AURKC: variants seen among roughly 807,000 people sequenced by gnomAD.
The protein encoded by AURKC is aurora kinase C.
Under a neutral mutation model 29.2 loss-of-function variants are expected in AURKC, and 15 were observed. That is an observed-to-expected ratio of 0.51 (90% CI 0.34 to 0.79). AURKC has a LOEUF of 0.79. AURKC is among the 30% of genes least tolerant of loss of function. The pLI, the probability that AURKC is intolerant of heterozygous loss-of-function variation, is 0.01. For synonymous variants in AURKC, 150 were observed against 149.9 expected, an observed-to-expected ratio of 1.00 and a Z score of -0.01; for missense variants, 332 against 383.2, an observed-to-expected ratio of 0.87 and a Z score of 1.12.
chr19:57,235,535 A>G lies in AURKC; in HGVS notation c.*118A>G. On this transcript the variant is annotated 3_prime_UTR_variant, in exon 7 of 7. Coordinates refer to ENST00000302804, the MANE Select transcript of AURKC (RefSeq NM_001015878.2). ...TAAGATGCTAATTAATAAAAGCTGA[A>G]TCATTTCATACCAGCTCTTCATAGT... 1 of 1,216,192 alleles carries G rather than the reference A, an allele frequency of 8.2e-7. No homozygotes were observed. The highest frequency in any genetic ancestry group is 2.3e-5 in the East Asian group (1 of 42,680). 75.3% of individuals were successfully genotyped at this position (1,216,192 alleles called of 1,614,324 possible).
At chr19:57,233,711 G>A in intron 5 of AURKC, 103 bp downstream of exon 5, 4 of 1,521,312 alleles carry the variant, frequency 2.6e-6, no homozygotes, top group Non-Finnish European at 3.6e-6. Context: ...ATACGAACTT[G>A]GGGTTTCTAT....
chr19:57,235,410 C>T lies in AURKC; in HGVS notation c.923C>T (p.Ala308Val). The change falls in exon 7 of 7, where the codon GCT (alanine) becomes GTT (valine). Residue 308 changes from alanine (A) to valine (V), a missense_variant. Transcript: ENST00000302804. The stretch of plus-strand genomic sequence containing the variant: ...GTGCTGCCTCCCTGTGCTCAGATGG[C>T]TTCCTGAGCCCTGTCTGCCTCTGTT... ...RRVLPPCAQM[A>V]S 3 of 1,613,696 alleles carry T rather than the reference C, an allele frequency of 1.9e-6. No homozygotes were observed. In the South Asian group the frequency reaches 3.3e-5, roughly 18 times the overall value.
chr19:57,235,089 G>A (rs2122811221), intron 6 of AURKC, 31 bp downstream of exon 6: 1 of 1,613,856 alleles, frequency 6.2e-7, no homozygotes, highest in South Asian at 1.1e-5. Flanking sequence ...CATTCATGGG[G>A]GAGCTGGTCA....
In AURKC at chr19:57,232,632, C is replaced by T; in HGVS notation, c.387C>T (p.Tyr129=). 1 of 1,614,060 alleles carries T rather than the reference C, an allele frequency of 6.2e-7. No individual in the cohort carries two copies. The highest frequency in any genetic ancestry group is 8.5e-7 in the Non-Finnish European group (1 of 1,180,022). ...ILEYAPRGEL[Y]KELQKSEKLD... is the part of the protein sequence containing the mutation. ...AATATGCTCCAAGGGGTGAGCTCTA[C>T]AAGGAGCTGCAGAAAAGCGAGAAAT... The change falls in exon 4 of 7, where the codon TAC becomes TAT. Residue 129 remains tyrosine (Y), a synonymous_variant. Coordinates refer to ENST00000302804, the MANE Select transcript of AURKC (RefSeq NM_001015878.2). The surrounding 1 kb of genome is among the most constrained non-coding windows in gnomAD (Gnocchi z 4.5).
Position 57,231,607 on chromosome 19 carries a change from C to T in AURKC, c.59-135C>T, listed in dbSNP as rs939827017. ...CTCTCCCTGCCTTCCCCTTCCCTCT[C>T]TTTCTCTCCTCCCCTTCTTCCCCTC... On this transcript the variant is annotated intron_variant, in intron 1 of 6. Coordinates refer to ENST00000302804, the MANE Select transcript of AURKC (RefSeq NM_001015878.2). 3 of 952,798 alleles carry T rather than the reference C, an allele frequency of 3.1e-6. No individual in the cohort carries two copies. The East Asian group carries it at 7.9e-5, about 25-fold the overall frequency. 59.0% of individuals were successfully genotyped at this position (952,798 alleles called of 1,614,324 possible).
chr19:57,232,787 C>G lies in AURKC; in HGVS notation c.435+107C>G. 1 of 1,423,124 alleles carries G rather than the reference C, an allele frequency of 7.0e-7. No homozygotes were observed. The highest frequency in any genetic ancestry group is 1.7e-5 in the Admixed American group (1 of 57,492). The allele number at this position is 1,423,124 out of a possible 1,614,324, so 88.2% of individuals were successfully genotyped here. A position where few individuals can be genotyped will look rare whatever the true frequency, so the allele number is the denominator to read the frequency against. On this transcript the variant is annotated intron_variant, in intron 4 of 6. Coordinates refer to ENST00000302804, the MANE Select transcript of AURKC (RefSeq NM_001015878.2). The surrounding 1 kb of genome is among the most constrained non-coding windows in gnomAD (Gnocchi z 4.5). ...TCCGCATTGCCTTCTGAGAAGTTTACTTCTGAATGTTATTGTGTAAATTTA... is the reference window on the plus strand; with the variant it reads ...TCCGCATTGCCTTCTGAGAAGTTTAGTTCTGAATGTTATTGTGTAAATTTA...
Position 57,235,433 on chromosome 19 carries a change from G to A in AURKC, c.*16G>A, listed in dbSNP as rs1454358992. 6 of 1,612,998 alleles carry A rather than the reference G, an allele frequency of 3.7e-6. No individual in the cohort carries two copies. Among genetic ancestry groups the A allele is most frequent in the Non-Finnish European group, 4.2e-6 (5 of 1,180,018 alleles). On this transcript the variant is annotated 3_prime_UTR_variant, in exon 7 of 7. Coordinates refer to ENST00000302804, the MANE Select transcript of AURKC (RefSeq NM_001015878.2). Reference sequence around the variant, plus strand: ...GGCTTCCTGAGCCCTGTCTGCCTCTGTTCCCTTTGTGTGTGTTCAGGGAGC... The same window carrying A: ...GGCTTCCTGAGCCCTGTCTGCCTCTATTCCCTTTGTGTGTGTTCAGGGAGC...
At chr19:57,231,584 C>T in intron 1 of AURKC, 158 bp from the exon 2 acceptor site, 1 of 826,648 alleles carries the variant, frequency 1.2e-6, no homozygotes, top group Non-Finnish European at 2.0e-6. Flanking sequence ...CCCTCCCCCT[C>T]TCCCTGCCTT....
At chr19:57,234,315 CAAAGTGCTGGGA>C (rs1302565900) in intron 5 of AURKC, among the ~76,000 whole-genome samples, 5 of 152,182 alleles carry the variant, frequency 3.3e-5, no homozygotes, top group African/African-American at 1.2e-4. Flanking sequence ...CTCGGCCTCC[CAAAGTGCTGGGA>C]TCATAGGCAT....
In AURKC at chr19:57,232,053, A is replaced by T; in HGVS notation, c.125A>T (p.Asp42Val). The stretch of plus-strand genomic sequence containing the variant: ...GTCAGGCGGCGCCTCACAGTCGATG[A>T]CTTTGAAATCGGGCGTCCCCTGGGC... ...SPAMRRLTVD[D>V]FEIGRPLGKG... is the part of the protein sequence containing the mutation. Residue 42 changes from aspartate (D) to valine (V), a missense_variant, in exon 3 of 7, where the codon GAC becomes GTC. Transcript: ENST00000302804. This position sits in a 1 kb window ranked among gnomAD's most constrained non-coding sequence, Gnocchi z 4.5. The T allele has an allele frequency of 1.2e-6, 2 of 1,614,060 alleles. No individual in the cohort carries two copies. Among genetic ancestry groups the T allele is most frequent in the South Asian group, 2.2e-5 (2 of 91,068 alleles).
At position 57,231,028 on chromosome 19, in the gene AURKC, G is replaced by T. The variant is rs2122798296; in HGVS notation, c.-221G>T. 1.9e-6 allele frequency: 2 copies of T among 1,078,000 alleles called. No individual in the cohort carries two copies. Among genetic ancestry groups the T allele is most frequent in the East Asian group, 2.6e-5 (1 of 39,002 alleles). 66.8% of individuals were successfully genotyped at this position (1,078,000 alleles called of 1,614,324 possible). A position where few individuals can be genotyped will look rare whatever the true frequency, so the allele number is the denominator to read the frequency against. Reference sequence around the variant, plus strand: ...CAGCCAGGAAGTACCTCTCTGAGCGGTTGGTGCCGGGTATAAAAGAAGGCC... The same window carrying T: ...CAGCCAGGAAGTACCTCTCTGAGCGTTTGGTGCCGGGTATAAAAGAAGGCC... On this transcript the variant is annotated 5_prime_UTR_variant, in exon 1 of 7. Coordinates refer to ENST00000302804, the MANE Select transcript of AURKC (RefSeq NM_001015878.2).
intron 4 of AURKC, among the ~76,000 whole-genome samples, chr19:57,233,067 T>C (rs2087510044): frequency 6.6e-6 from 1 of 152,200 alleles, no homozygotes; most frequent in African/African-American, 2.4e-5. Context: ...ACCATGGCAA[T>C]GATTTTCCCA....
rs967226852 is a variant in AURKC, at chr19:57,235,112, G to A, written c.759+54G>A. On this transcript the variant is annotated intron_variant, in intron 6 of 6. Transcript: ENST00000302804. ...GGGGAGCTGGTCAGTGATGGCTGCT[G>A]GGCTGTGGGCACACACACACACAGG... 1.1e-5 allele frequency: 18 copies of A among 1,612,478 alleles called. No homozygotes were observed. In the South Asian group the frequency reaches 1.9e-4, roughly 17 times the overall value.
intron 5 of AURKC, 27 bp from the exon 6 acceptor site, chr19:57,234,857 C>T (rs200863016): frequency 1.2e-6 from 2 of 1,613,960 alleles, no homozygotes; most frequent in Admixed American, 1.7e-5. Flanking sequence ...CTGCTTAGTA[C>T]TTATTCCCTT....
intron 1 of AURKC, 46 bp downstream of exon 1, chr19:57,231,352 G>A: frequency 6.5e-7 from 1 of 1,548,438 alleles, no homozygotes; most frequent in South Asian, 1.2e-5. Context: ...GCTGGGGACT[G>A]GGCCAGGGGT....
intron 1 of AURKC, 165 bp downstream of exon 1, chr19:57,231,471 C>A: frequency 1.2e-6 from 1 of 844,952 alleles, no homozygotes; most frequent in Non-Finnish European, 1.9e-6. Flanking sequence ...TCTTTCACCT[C>A]TCCCTCCCCT....
chr19:57,231,763 C>G lies in AURKC; in HGVS notation c.80C>G (p.Ala27Gly). ...TCAGTGGCTACAGCAAACCAAACAG[C>G]CCAGCAGCCCAGCAGCCCAGCCATG... ...GEELATANQT[A>G]QQPSSPAMRR... Residue 27 changes from alanine to glycine, a missense_variant, in exon 2 of 7, where the codon GCC (alanine) becomes GGC (glycine). Physicochemically the swap from Ala to Gly is moderately conservative, Grantham distance 60 (BLOSUM62 0). Transcript: ENST00000302804. The G allele has an allele frequency of 6.2e-7, 1 of 1,613,284 alleles. No individual in the cohort carries two copies. Among genetic ancestry groups the G allele is most frequent in the Admixed American group, 1.7e-5 (1 of 59,960 alleles).
intron 4 of AURKC, among the ~76,000 whole-genome samples, chr19:57,233,238 G>A (rs1205825307): frequency 6.6e-6 from 1 of 152,186 alleles, no homozygotes; most frequent in Non-Finnish European, 1.5e-5. Context: ...GGACAACAGG[G>A]AGGATCTGTG....
rs1599969189 is a variant in AURKC at position 57,231,029 on chromosome 19, T to C, written c.-220T>C. Reference sequence around the variant, plus strand: ...AGCCAGGAAGTACCTCTCTGAGCGGTTGGTGCCGGGTATAAAAGAAGGCCG... The same window carrying C: ...AGCCAGGAAGTACCTCTCTGAGCGGCTGGTGCCGGGTATAAAAGAAGGCCG... On this transcript the variant is annotated 5_prime_UTR_variant, in exon 1 of 7. Transcript: ENST00000302804. 9.2e-7 allele frequency: 1 copy of C among 1,083,088 alleles called. No individual in the cohort carries two copies. Among genetic ancestry groups the C allele is most frequent in the African/African-American group, 1.5e-5 (1 of 66,038 alleles). The allele number at this position is 1,083,088 out of a possible 1,614,324, so 67.1% of individuals were successfully genotyped here.
Sources: allele counts gnomAD v4.1 joint callset (sites outside exome capture counted in the v4.1 genomes callset), GRCh38; gene constraint gnomAD v4.1.1; non-coding constraint Gnocchi (gnomAD v3.1); transcripts MANE v1.5; gene names NCBI Gene and HGNC (gene_info 2026-07-23, HGNC 2026-07-21).